The following LUZP2 variants were observed in gnomAD, a reference collection of about 807,000 sequenced individuals.
The protein encoded by LUZP2 is leucine zipper protein 2.
Under a neutral mutation model 51.6 loss-of-function variants are expected in LUZP2, and 52 were observed. The observed-to-expected ratio is 1.01, with a 90% CI of 0.81 to 1.27. LUZP2 has a LOEUF of 1.27. Among genes scored for constraint, LUZP2 ranks in the 50% most tolerant of loss-of-function variants. The pLI is 0.00. For synonymous variants in LUZP2, 154 were observed against 137.3 expected, an observed-to-expected ratio of 1.12 and a Z score of -0.85; for missense variants, 436 against 395.4, an observed-to-expected ratio of 1.10 and a Z score of -0.87.
In LUZP2 at chr11:24,733,564, A is replaced by G. The variant is rs77916852; in HGVS notation, c.251+1376A>G. Among the ~76,000 whole-genome samples, 66 of 151,842 alleles carry G rather than the reference A, an allele frequency of 4.3e-4. No individual in the cohort carries two copies. The East Asian group carries it at 0.01, about 23-fold the overall frequency. ...TAATCTCACTCTTATTCGGAATCTAAAAAAGTTGATATAAAAGAACTGGAG... is the reference window on the plus strand; with the variant it reads ...TAATCTCACTCTTATTCGGAATCTAGAAAAGTTGATATAAAAGAACTGGAG... On this transcript the variant is annotated intron_variant, in intron 3 of 11. Coordinates refer to ENST00000336930, the MANE Select transcript of LUZP2 (RefSeq NM_001009909.4).
chr11:24,905,972 A>G lies in LUZP2; in HGVS notation c.397-19A>G, dbSNP rs1853440154. On this transcript the variant is annotated intron_variant, in intron 5 of 11. Transcript: ENST00000336930. Reference sequence around the variant, plus strand: ...TATTTTGTCTCTTCTTTGCAATAAAACTATGTTTTCTTCCTCAGAATAAAA... The same window carrying G: ...TATTTTGTCTCTTCTTTGCAATAAAGCTATGTTTTCTTCCTCAGAATAAAA... 6.3e-7 allele frequency: 1 copy of G among 1,580,244 alleles called. No individual in the cohort carries two copies. The highest frequency in any genetic ancestry group is 1.7e-5 in the Admixed American group (1 of 59,880).
chr11:24,526,434 C>A (rs1173403330), intron 1 of LUZP2, among the ~76,000 whole-genome samples: 1 of 137,956 alleles, frequency 7.2e-6, no homozygotes, highest in Non-Finnish European at 1.6e-5. Flanking sequence ...ATTTGGGATA[C>A]AATTTTAATC....
intron 7 of LUZP2, among the ~76,000 whole-genome samples, chr11:24,931,209 C>T (rs1854438008): frequency 7.4e-6 from 1 of 135,058 alleles, no homozygotes; most frequent in African/African-American, 2.9e-5. Context: ...GACTCTGTCT[C>T]AAAATAAAAT....
At chr11:24,975,884 C>G (rs1855868808) in intron 7 of LUZP2, among the ~76,000 whole-genome samples, 1 of 151,908 alleles carries the variant, frequency 6.6e-6, no homozygotes, top group Admixed American at 6.6e-5. Context: ...CATATTAGTA[C>G]ATTTGTCTGC....
chr11:25,027,764 G>A (rs534250980), intron 9 of LUZP2, among the ~76,000 whole-genome samples: 81 of 151,858 alleles, frequency 5.3e-4, no homozygotes, highest in African/African-American at 1.7e-3. Context: ...CCAGCAACTC[G>A]GGAGGCTGAG....
intron 4 of LUZP2, among the ~76,000 whole-genome samples, chr11:24,762,106 T>TG (rs767606791): frequency 7.9e-5 from 12 of 152,196 alleles, no homozygotes; most frequent in Non-Finnish European, 1.5e-4. Flanking sequence ...TTCTTGTTCT[T>TG]TTCTTCATGT....
chr11:24,996,197 C>T (rs563942849), intron 9 of LUZP2, among the ~76,000 whole-genome samples: 178 of 151,502 alleles, frequency 1.2e-3, no homozygotes, highest in African/African-American at 4.2e-3. Context: ...TTCTTCTTGA[C>T]ATGTTTCATG....
At chr11:24,899,729 C>A (rs1416191508) in intron 5 of LUZP2, among the ~76,000 whole-genome samples, 1 of 151,986 alleles carries the variant, frequency 6.6e-6, no homozygotes, top group Non-Finnish European at 1.5e-5. Flanking sequence ...TTAAAAGGGG[C>A]AATCCTTTAT....
intron 1 of LUZP2, among the ~76,000 whole-genome samples, chr11:24,560,414 A>G (rs563347059): frequency 3.2e-4 from 49 of 152,206 alleles, no homozygotes; most frequent in Admixed American, 6.5e-4. Context: ...GTGACATATC[A>G]TGATTTATTC....
chr11:24,769,192 CAAA>C (rs113232762), intron 5 of LUZP2, among the ~76,000 whole-genome samples: 12,169 of 151,984 alleles, frequency 0.08, 1,045 homozygotes, highest in African/African-American at 0.22. Flanking sequence ...AAGTTGATCT[CAAA>C]GAAGTAGAGA....
chr11:24,705,225 G>A (rs1271565394), intron 1 of LUZP2, among the ~76,000 whole-genome samples: 1 of 151,920 alleles, frequency 6.6e-6, no homozygotes, highest in Non-Finnish European at 1.5e-5. Flanking sequence ...TTTCTAAAAG[G>A]TTGTTCTTGC....
intron 1 of LUZP2, among the ~76,000 whole-genome samples, chr11:24,622,927 TA>T (rs1467831616): frequency 1.3e-5 from 2 of 152,236 alleles, no homozygotes; most frequent in Non-Finnish European, 2.9e-5. Flanking sequence ...GGAACTGTTT[TA>T]AAATCAGCAT....
intron 1 of LUZP2, among the ~76,000 whole-genome samples, chr11:24,528,263 A>C (rs1362143315): frequency 2.0e-5 from 3 of 151,092 alleles, no homozygotes; most frequent in African/African-American, 7.3e-5. Flanking sequence ...TGAGAGAAGC[A>C]CTGGTTTAAA....
At chr11:24,606,388 C>A (rs1452078944) in intron 1 of LUZP2, among the ~76,000 whole-genome samples, 1 of 151,906 alleles carries the variant, frequency 6.6e-6, no homozygotes, top group Non-Finnish European at 1.5e-5. Flanking sequence ...CTATGCTAAG[C>A]TATGAAGTTT....
At chr11:24,707,582 C>T (rs1043883508) in intron 1 of LUZP2, among the ~76,000 whole-genome samples, 2 of 151,960 alleles carry the variant, frequency 1.3e-5, no homozygotes, top group Admixed American at 1.3e-4. Context: ...TCAAGAAATC[C>T]AGTGGTGTAA....
chr11:24,995,421 A>G (rs1856463336), intron 9 of LUZP2, among the ~76,000 whole-genome samples: 1 of 152,092 alleles, frequency 6.6e-6, no homozygotes, highest in Non-Finnish European at 1.5e-5. Flanking sequence ...AGCTAATAAC[A>G]TATATTTATG....
intron 7 of LUZP2, among the ~76,000 whole-genome samples, chr11:24,918,831 C>A (rs959231037): frequency 9.5e-6 from 1 of 105,016 alleles, no homozygotes; most frequent in Admixed American, 1.0e-4. Flanking sequence ...ACATATATCT[C>A]CATTGGAATA....
rs78402573 is a variant in LUZP2 at position 24,642,604 on chromosome 11, G to T, written c.63-86565G>T. ...ATATACACAGATTTGAATTTAAATA[G>T]TTTATTTGGTTGACACAGTGGGGAG... On this transcript the variant is annotated intron_variant, in intron 1 of 11. Transcript: ENST00000336930. Among the ~76,000 whole-genome samples, 569 of 151,890 alleles carry T rather than the reference G, an allele frequency of 3.7e-3. 11 individuals are homozygous for T. Among genetic ancestry groups the T allele is most frequent in the African/African-American group, 0.013 (543 of 41,218 alleles).
chr11:24,842,124 C>A (rs1325182302), intron 5 of LUZP2, among the ~76,000 whole-genome samples: 1 of 150,112 alleles, frequency 6.7e-6, no homozygotes, highest in East Asian at 1.9e-4. Context: ...AAAGTTGTGG[C>A]AATATATTAA....
Sources: gnomAD v4.1 joint callset for allele counts (sites outside exome capture counted in the v4.1 genomes callset) on GRCh38, gnomAD v4.1.1 for gene constraint, MANE v1.5 for transcripts, NCBI Gene and HGNC (gene_info 2026-07-23, HGNC 2026-07-21) for gene names.